CYP26B1: variants seen among roughly 807,000 people sequenced by gnomAD.
The protein encoded by CYP26B1 is cytochrome P450 26B1.
A neutral mutation model predicts 39.1 loss-of-function variants in CYP26B1; 8 were observed. The observed-to-expected ratio is 0.20, with a 90% CI of 0.12 to 0.37. CYP26B1 has a LOEUF of 0.37. CYP26B1 is among the 10% of genes least tolerant of loss of function. The pLI is 1.00. For missense variants in CYP26B1, 615 were observed against 707.0 expected (o/e 0.87, Z 1.48); for synonymous variants, 321 against 314.3 (o/e 1.02, Z -0.23).
intron 4 of CYP26B1, among the ~76,000 whole-genome samples, chr2:72,133,816 A>G (rs894832961): frequency 1.3e-5 from 2 of 152,030 alleles, no homozygotes; most frequent in Non-Finnish European, 2.9e-5. Context: ...TCTGGGAGGG[A>G]GCCTGGGGCC....
intron 2 of CYP26B1, among the ~76,000 whole-genome samples, chr2:72,137,019 C>T (rs958342950): frequency 2.0e-5 from 3 of 152,286 alleles, no homozygotes; most frequent in Non-Finnish European, 4.4e-5. Context: ...GCCTCCATGG[C>T]GGGACAGGGA....
At chr2:72,143,550 C>G (rs1677017707) in intron 2 of CYP26B1, among the ~76,000 whole-genome samples, 1 of 152,212 alleles carries the variant, frequency 6.6e-6, no homozygotes, top group Non-Finnish European at 1.5e-5. Flanking sequence ...GCCGCCTGCC[C>G]GCGACTCCCT....
chr2:72,144,309 GC>G (rs1677051740), intron 1 of CYP26B1, 96 bp from the exon 2 acceptor site: 12 of 1,523,460 alleles, frequency 7.9e-6, no homozygotes, highest in Non-Finnish European at 1.1e-5. Context: ...ACAGTCACCT[GC>G]CCCCTCTCCC....
At chr2:72,135,006 C>T in intron 3 of CYP26B1, 90 bp from the exon 4 acceptor site, 1 of 1,601,014 alleles carries the variant, frequency 6.2e-7, no homozygotes, top group Non-Finnish European at 8.5e-7. Context: ...CTCCTCCTAC[C>T]CCACGCTGAC....
intron 4 of CYP26B1, 58 bp from the exon 5 acceptor site, chr2:72,133,365 G>A (rs970696970): frequency 3.2e-5 from 50 of 1,564,494 alleles, no homozygotes; most frequent in East Asian, 4.5e-5. Flanking sequence ...GGCAGGGGCC[G>A]CCCCATTCAG....
At chr2:72,145,991 C>A (rs1191816468) in intron 1 of CYP26B1, among the ~76,000 whole-genome samples, 2 of 152,206 alleles carry the variant, frequency 1.3e-5, no homozygotes, top group African/African-American at 4.8e-5. Context: ...TCATTAACCC[C>A]TTAGGCGCTC....
chr2:72,143,996 T>C lies in CYP26B1; in HGVS notation c.422A>G (p.Lys141Arg). The C allele has an allele frequency of 6.2e-7, 1 of 1,613,480 alleles. No individual in the cohort carries two copies. Among genetic ancestry groups the C allele is most frequent in the Non-Finnish European group, 8.5e-7 (1 of 1,180,008 alleles). Residue 141 changes from lysine to arginine, a missense_variant, in exon 2 of 6, where the codon AAG becomes AGG. Transcript: ENST00000001146. ...SNSIGDIHRN[K>R]RKVFSKIFSH... ...AACGGGCAGAGTTCTTACCTTGCGC[T>C]TGTTGCGGTGGATGTCGCCAATGGA...
rs766555964 is a variant in CYP26B1 at position 72,147,721 on chromosome 2, G to C, written c.114C>G (p.Ala38=). Residue 38 remains alanine, a synonymous_variant, in exon 1 of 6, where the codon GCC becomes GCG. Coordinates refer to ENST00000001146, the MANE Select transcript of CYP26B1 (RefSeq NM_019885.4). This position sits in a 1 kb window ranked among gnomAD's most constrained non-coding sequence, Gnocchi z 6.1. ...GCTTGCAGCTCTTGTCGCGAGTGGC[G>C]GCCCAGCGCAGCTGCCACAGCTGCT... The part of the protein sequence containing the change: ...VSQQLWQLRW[A]ATRDKSCKLP... The C allele has an allele frequency of 1.2e-5, 19 of 1,598,130 alleles. 1 individual carries two copies. The East Asian group carries it at 3.0e-4, about 25-fold the overall frequency.
Position 72,147,691 on chromosome 2 carries a change from G to A in CYP26B1, c.144C>T (p.Pro48=). The A allele has an allele frequency of 5.6e-6, 9 of 1,609,306 alleles. No homozygotes were observed. The highest frequency in any genetic ancestry group is 7.6e-6 in the Non-Finnish European group (9 of 1,178,344). Reference sequence around the variant, plus strand: ...GGAAGCCCATGGATCCCTTGGGGATGGGCAGCTTGCAGCTCTTGTCGCGAG... The same window carrying A: ...GGAAGCCCATGGATCCCTTGGGGATAGGCAGCTTGCAGCTCTTGTCGCGAG... ...AATRDKSCKL[P]IPKGSMGFPL... Residue 48 remains proline, a synonymous_variant, in exon 1 of 6, where the codon CCC becomes CCT. Transcript: ENST00000001146. The surrounding 1 kb of genome is among the most constrained non-coding windows in gnomAD (Gnocchi z 6.1).
intron 2 of CYP26B1, among the ~76,000 whole-genome samples, chr2:72,140,876 C>A (rs1307500514): frequency 1.3e-5 from 2 of 152,160 alleles, no homozygotes; most frequent in African/African-American, 2.4e-5. Context: ...GAGGTCTCCC[C>A]AGTCCAAGGC....
At chr2:72,139,080 GT>G (rs2104071913) in intron 2 of CYP26B1, among the ~76,000 whole-genome samples, 1 of 152,282 alleles carries the variant, frequency 6.6e-6, no homozygotes, top group South Asian at 2.1e-4. Context: ...GCTGGCAGGT[GT>G]GGACAGATGG....
chr2:72,135,341 G>C lies in CYP26B1; in HGVS notation c.508C>G (p.Arg170Gly), dbSNP rs770223566. 1 of 1,613,816 alleles carries C rather than the reference G, an allele frequency of 6.2e-7. No individual in the cohort carries two copies. Among genetic ancestry groups the C allele is most frequent in the African/African-American group, 1.3e-5 (1 of 74,940 alleles). Reference protein sequence around the residue: ...KIQLVIQDTLRAWSSHPEAIN... With the variant: ...KIQLVIQDTLGAWSSHPEAIN... ...GCCTCGGGGTGGCTGCTCCAGGCGC[G>C]CAGTGTGTCCTGGATCACCAGCTGG... Residue 170 changes from arginine (R) to glycine (G), a missense_variant, in exon 3 of 6, where the codon CGC (arginine) becomes GGC (glycine). Arg to Gly is a moderately radical substitution (Grantham distance 125). Coordinates refer to ENST00000001146, the MANE Select transcript of CYP26B1 (RefSeq NM_019885.4).
rs1677139625 is a variant in CYP26B1 at position 72,147,024 on chromosome 2, C to G, written c.204+607G>C. On this transcript the variant is annotated intron_variant, in intron 1 of 5. Coordinates refer to ENST00000001146, the MANE Select transcript of CYP26B1 (RefSeq NM_019885.4). This position sits in a 1 kb window ranked among gnomAD's most constrained non-coding sequence, Gnocchi z 6.1. Reference sequence around the variant, plus strand: ...GACCCTTTTCCCCGAAAGCCTAGAGCCCTGGATTCTCATTTTTCCTTGGGT... The same window carrying G: ...GACCCTTTTCCCCGAAAGCCTAGAGGCCTGGATTCTCATTTTTCCTTGGGT... Among the ~76,000 whole-genome samples, 4 of 152,356 alleles carry G rather than the reference C, an allele frequency of 2.6e-5. No homozygotes were observed. The South Asian group carries it at 8.3e-4, about 32-fold the overall frequency.
chr2:72,143,847 G>T, intron 2 of CYP26B1, 142 bp downstream of exon 2: 1 of 1,053,436 alleles, frequency 9.5e-7, no homozygotes, highest in Non-Finnish European at 1.4e-6. Context: ...TCGAGGCCTT[G>T]TCGGCGGGGA....
intron 1 of CYP26B1, among the ~76,000 whole-genome samples, chr2:72,146,875 C>T (rs1677136771): frequency 6.6e-6 from 1 of 152,206 alleles, no homozygotes; most frequent in South Asian, 2.1e-4. Context: ...CCCCCGTTAT[C>T]ACCAGCAGAG....
chr2:72,133,209 C>A lies in CYP26B1; in HGVS notation c.960G>T (p.Glu320Asp), dbSNP rs1201516045. The A allele has an allele frequency of 1.2e-6, 2 of 1,612,436 alleles. No homozygotes were observed. Among genetic ancestry groups the A allele is most frequent in the African/African-American group, 2.7e-5 (2 of 75,072 alleles). ...MQLLKHPTVL[E>D]KLRDELRAHG... ...GAGCCCGCAGCTCATCCCGCAGCTTCTCCAGCACAGTGGGGTGCTTCAGCA... is the reference window on the plus strand; with the variant it reads ...GAGCCCGCAGCTCATCCCGCAGCTTATCCAGCACAGTGGGGTGCTTCAGCA... Residue 320 changes from glutamate to aspartate, a missense_variant, in exon 5 of 6, where the codon GAG becomes GAT. Glu to Asp is a conservative substitution (Grantham distance 45). Coordinates refer to ENST00000001146, the MANE Select transcript of CYP26B1 (RefSeq NM_019885.4).
At chr2:72,144,529 C>G (rs1677061010) in intron 1 of CYP26B1, 1 of 1,148,240 alleles carries the variant, frequency 8.7e-7, no homozygotes, top group South Asian at 3.8e-5. Context: ...CGCCCCCACC[C>G]CCACCCCCAC....
intron 1 of CYP26B1, chr2:72,144,491 G>A (rs969611734): frequency 2.1e-5 from 25 of 1,217,552 alleles, no homozygotes; most frequent in South Asian, 6.7e-5. Flanking sequence ...GAGGTATCCC[G>A]GACAGCTGGA....
chr2:72,134,968 C>T (rs1304730652), intron 3 of CYP26B1, 52 bp from the exon 4 acceptor site: 12 of 1,608,666 alleles, frequency 7.5e-6, no homozygotes, highest in Non-Finnish European at 1.0e-5. Context: ...CCCATCTGAG[C>T]CTCGGGACCA....
Sources: allele counts gnomAD v4.1 joint callset (sites outside exome capture counted in the v4.1 genomes callset), GRCh38; gene constraint gnomAD v4.1.1; non-coding constraint Gnocchi (gnomAD v3.1); transcripts MANE v1.5; gene names NCBI Gene and HGNC (gene_info 2026-07-23, HGNC 2026-07-21).